Variants in EGFLAM observed in about 807,000 individuals in gnomAD.
EGFLAM encodes the protein EGF like, fibronectin type III and laminin G domains.
In EGFLAM, 79 loss-of-function variants were observed where a neutral mutation model predicts 113.1. That is an observed-to-expected ratio of 0.70 (90% CI 0.58 to 0.84). EGFLAM has a LOEUF of 0.84. Ranked by LOEUF, EGFLAM falls within the 40% of genes least tolerant of loss-of-function variation. EGFLAM has a pLI of 0.00. For synonymous variants in EGFLAM, 504 were observed against 487.6 expected (o/e 1.03, Z -0.44); for missense variants, 1,265 against 1,291.6 (o/e 0.98, Z 0.32).
At chr5:38,441,909 G>A (rs1304823959) in intron 17 of EGFLAM, among the ~76,000 whole-genome samples, 1 of 152,126 alleles carries the variant, frequency 6.6e-6, no homozygotes, top group Non-Finnish European at 1.5e-5. Flanking sequence ...CTAGATGGCG[G>A]TGTTTCTCTG....
chr5:38,339,559 G>A (rs1308783904), intron 3 of EGFLAM, among the ~76,000 whole-genome samples: 2 of 152,200 alleles, frequency 1.3e-5, no homozygotes, highest in East Asian at 3.8e-4. Flanking sequence ...CACTTATTGA[G>A]CATCTGTTAC....
chr5:38,347,546 T>C (rs147073414), intron 3 of EGFLAM, among the ~76,000 whole-genome samples: 2 of 151,938 alleles, frequency 1.3e-5, no homozygotes, highest in Non-Finnish European at 2.9e-5. Flanking sequence ...TCATGAAGAA[T>C]GAGTAGGGGT....
At chr5:38,303,655 T>A (rs1309094712) in intron 1 of EGFLAM, among the ~76,000 whole-genome samples, 3 of 152,182 alleles carry the variant, frequency 2.0e-5, no homozygotes, top group African/African-American at 7.2e-5. Flanking sequence ...TCAAAAATAT[T>A]TTTTTGGGTT....
At position 38,385,634 on chromosome 5, in the gene EGFLAM, T is replaced by C. The variant is rs146655588; in HGVS notation, c.712+15172T>C. ...TCAATTGTATAGAAGTACATGTGCA[T>C]ATGTGCAAATGTGTCACAGACACTC... On this transcript the variant is annotated intron_variant, in intron 6 of 21. Coordinates refer to ENST00000322350, the MANE Select transcript of EGFLAM (RefSeq NM_152403.4). Among the ~76,000 whole-genome samples the C allele has an allele frequency of 2.0e-5, 3 of 152,296 alleles. No individual in the cohort carries two copies. The East Asian group carries it at 5.8e-4, about 29-fold the overall frequency.
intron 1 of EGFLAM, among the ~76,000 whole-genome samples, chr5:38,280,041 T>G (rs1388014294): frequency 6.6e-6 from 1 of 152,162 alleles, no homozygotes; most frequent in African/African-American, 2.4e-5. Context: ...CAAGGTATAC[T>G]GATGATGAAG....
chr5:38,445,164 G>A (rs1353765680), intron 17 of EGFLAM, among the ~76,000 whole-genome samples: 1 of 152,078 alleles, frequency 6.6e-6, no homozygotes, highest in African/African-American at 2.4e-5. Flanking sequence ...CAGGGGTCTG[G>A]AATCTTGCAA....
In EGFLAM at chr5:38,387,795, T is replaced by C. The variant is rs56092788; in HGVS notation, c.712+17333T>C. ...AAAACGTTTCTTGGACACAGATTAATTGTATGACCTAGAGAGAGGCTGTCT... is the reference window on the plus strand; with the variant it reads ...AAAACGTTTCTTGGACACAGATTAACTGTATGACCTAGAGAGAGGCTGTCT... On this transcript the variant is annotated intron_variant, in intron 6 of 21. Transcript: ENST00000322350. 2.4e-3 allele frequency among the ~76,000 whole-genome samples: 373 copies of C among 152,368 alleles called. 1 individual carries two copies. The highest frequency in any genetic ancestry group is 6.8e-3 in the African/African-American group (281 of 41,600).
At chr5:38,394,426 A>G (rs62353643) in intron 6 of EGFLAM, among the ~76,000 whole-genome samples, 1 of 149,616 alleles carries the variant, frequency 6.7e-6, no homozygotes, top group Non-Finnish European at 1.5e-5. Context: ...TTTTTTTTTA[A>G]TGAGACGGAG....
intron 3 of EGFLAM, among the ~76,000 whole-genome samples, chr5:38,342,148 C>A (rs1739354977): frequency 6.6e-6 from 1 of 152,168 alleles, no homozygotes; most frequent in South Asian, 2.1e-4. Flanking sequence ...GCTGAATCTA[C>A]AAGGTGAATT....
chr5:38,462,168 A>AAAAAT (rs1047575445), intron 20 of EGFLAM, among the ~76,000 whole-genome samples: 46 of 152,286 alleles, frequency 3.0e-4, no homozygotes, highest in Non-Finnish European at 3.5e-4. Context: ...CTCCGTCTCA[A>AAAAAT]AAAATAAAAT....
chr5:38,403,641 A>C (rs1160171109), intron 6 of EGFLAM: 20 of 775,470 alleles, frequency 2.6e-5, no homozygotes, highest in Non-Finnish European at 3.9e-5. Flanking sequence ...GGAGCAGGGC[A>C]GTGTGCTATT....
At chr5:38,441,863 A>G (rs1742545962) in intron 17 of EGFLAM, among the ~76,000 whole-genome samples, 1 of 152,158 alleles carries the variant, frequency 6.6e-6, no homozygotes, top group Non-Finnish European at 1.5e-5. Flanking sequence ...TTTCTAGAAC[A>G]GCTTCAATTC....
intron 1 of EGFLAM, among the ~76,000 whole-genome samples, chr5:38,293,544 C>T (rs1277750752): frequency 6.6e-6 from 1 of 152,170 alleles, no homozygotes; most frequent in Non-Finnish European, 1.5e-5. Flanking sequence ...CAGTTATCCA[C>T]ACACACAAAA....
At chr5:38,402,733 C>T (rs1208477664) in intron 6 of EGFLAM, among the ~76,000 whole-genome samples, 1 of 152,014 alleles carries the variant, frequency 6.6e-6, no homozygotes, top group Non-Finnish European at 1.5e-5. Context: ...CCCAATAGTA[C>T]CTGATAAGAA....
chr5:38,383,487 T>C (rs1026947508), intron 6 of EGFLAM, among the ~76,000 whole-genome samples: 1 of 152,050 alleles, frequency 6.6e-6, no homozygotes, highest in Non-Finnish European at 1.5e-5. Flanking sequence ...ACCTAATTTC[T>C]GACTCTACAT....
intron 3 of EGFLAM, among the ~76,000 whole-genome samples, chr5:38,347,176 G>A (rs942119678): frequency 2.6e-5 from 4 of 152,146 alleles, no homozygotes; most frequent in East Asian, 1.9e-4. Context: ...CAAGATGCAG[G>A]GCTCAGTAGT....
At chr5:38,389,440 A>T (rs1740753729) in intron 6 of EGFLAM, among the ~76,000 whole-genome samples, 1 of 152,172 alleles carries the variant, frequency 6.6e-6, no homozygotes, top group Non-Finnish European at 1.5e-5. Flanking sequence ...TGTCAGATAC[A>T]ATCTAGATAA....
At chr5:38,381,184 T>C (rs1740502483) in intron 6 of EGFLAM, among the ~76,000 whole-genome samples, 2 of 152,352 alleles carry the variant, frequency 1.3e-5, no homozygotes, top group Admixed American at 1.3e-4. Flanking sequence ...TTCATCATAA[T>C]GTCATGGCTA....
chr5:38,448,465 GCC>G, intron 18 of EGFLAM, 86 bp downstream of exon 18: 1 of 1,373,880 alleles, frequency 7.3e-7, no homozygotes. Flanking sequence ...TATATTTCAT[GCC>G]AGAAGATAAT....
Sources: allele counts gnomAD v4.1 joint callset (sites outside exome capture counted in the v4.1 genomes callset), GRCh38; gene constraint gnomAD v4.1.1; transcripts MANE v1.5; gene names NCBI Gene and HGNC (gene_info 2026-07-23, HGNC 2026-07-21).